WDR27: variants seen among roughly 807,000 people sequenced by gnomAD.
WDR27 encodes the protein WD repeat domain 27, also known as WD repeat-containing protein 27.
In WDR27, 100 loss-of-function variants were observed where a neutral mutation model predicts 114.4. The ratio of observed to expected loss-of-function variants is 0.87; its 90% confidence interval spans 0.74 to 1.03. The LOEUF (loss-of-function observed/expected upper bound fraction) is 1.03, where lower values mean the gene tolerates loss of function less well. Ranked by LOEUF, WDR27 falls within the 50% of genes least tolerant of loss-of-function variation. WDR27 has a pLI of 0.00. For missense variants in WDR27, 1,129 were observed against 1,092.9 expected (o/e 1.03, Z -0.47); for synonymous variants, 449 against 423.1 (o/e 1.06, Z -0.75).
intron 25 of WDR27, among the ~76,000 whole-genome samples, chr6:169,527,610 T>A (rs1452006200): frequency 1.3e-5 from 2 of 152,194 alleles, no homozygotes; most frequent in African/African-American, 4.8e-5. Context: ...TTAAAAATGA[T>A]GAATTTTAAG....
intron 21 of WDR27, among the ~76,000 whole-genome samples, chr6:169,621,909 C>G (rs368213955): frequency 1.3e-5 from 2 of 152,138 alleles, no homozygotes; most frequent in Non-Finnish European, 2.9e-5. Flanking sequence ...TATACTTGCA[C>G]ACATATACAC....
At chr6:169,662,877 C>T (rs1015845890) in intron 8 of WDR27, among the ~76,000 whole-genome samples, 4 of 143,634 alleles carry the variant, frequency 2.8e-5, no homozygotes, top group East Asian at 2.1e-4. Flanking sequence ...ACTCAGATCA[C>T]GTGTCAAGGA....
chr6:169,449,665 T>C, the WDR27 span, among the ~76,000 whole-genome samples: 2 of 152,114 alleles, frequency 1.3e-5, no homozygotes, highest in Non-Finnish European at 2.9e-5. Context: ...GCAGAAGCTA[T>C]GAGAAAGAAG....
intron 2 of WDR27, among the ~76,000 whole-genome samples, chr6:169,673,188 G>A (rs955620783): frequency 1.3e-5 from 2 of 152,112 alleles, no homozygotes; most frequent in African/African-American, 2.4e-5. Flanking sequence ...AAACCTAGGC[G>A]AACAATGTCT....
chr6:169,684,397 A>G lies in WDR27; in HGVS notation c.189+4420T>C, dbSNP rs1036110174. Among the ~76,000 whole-genome samples, 7 of 152,136 alleles carry G rather than the reference A, an allele frequency of 4.6e-5. No individual in the cohort carries two copies. The highest frequency in any genetic ancestry group is 1.0e-4 in the Non-Finnish European group (7 of 68,014). ...GCTGCCCAATGTCCCCGAGTCTCCA[A>G]TAAAGGCCTGAGAAACAGTCTCACA... On this transcript the variant is annotated intron_variant, in intron 2 of 25. Coordinates refer to ENST00000448612, the MANE Select transcript of WDR27 (RefSeq NM_182552.5). This position sits in a 1 kb window ranked among gnomAD's most constrained non-coding sequence, Gnocchi z 4.3.
intron 25 of WDR27, among the ~76,000 whole-genome samples, chr6:169,482,097 C>T (rs906237334): frequency 6.6e-6 from 1 of 152,248 alleles, no homozygotes; most frequent in Admixed American, 6.5e-5. Flanking sequence ...TGGCCTCCAG[C>T]TTGACCCATG....
rs191866591 is a variant in WDR27, at chr6:169,618,815, C to T, written c.2224-5159G>A. On this transcript the variant is annotated intron_variant, in intron 21 of 25. Coordinates refer to ENST00000448612, the MANE Select transcript of WDR27 (RefSeq NM_182552.5). ...ATGACAGTTTGTGAGTAGCAGCCCC[C>T]ACATGGCTATGGTTAGTTTGATGTA... is the stretch of plus-strand genomic sequence containing the variant. Among the ~76,000 whole-genome samples the T allele has an allele frequency of 4.0e-3, 606 of 152,128 alleles. 3 individuals are homozygous for T. Among genetic ancestry groups the T allele is most frequent in the African/African-American group, 0.014 (577 of 41,504 alleles).
In WDR27 at chr6:169,650,251, TC is replaced by T. The variant is rs536085525; in HGVS notation, c.1482-977del. Reference sequence around the variant, plus strand: ...TACTCATCCATCCCTCATCTCTGCATCCCCCCATCCCCTCCATCTACCCACC... The same window carrying T: ...TACTCATCCATCCCTCATCTCTGCATCCCCCATCCCCTCCATCTACCCACC... On this transcript the variant is annotated intron_variant, in intron 14 of 25. Coordinates refer to ENST00000448612, the MANE Select transcript of WDR27 (RefSeq NM_182552.5). 1.8e-3 allele frequency among the ~76,000 whole-genome samples: 211 copies of T among 118,478 alleles called. 1 individual carries two copies. The highest frequency in any genetic ancestry group is 0.015 in the Middle Eastern group (2 of 134). 77.7% of individuals were successfully genotyped at this position (118,478 alleles called of 152,430 possible).
At chr6:169,465,258 CAAAAAAAAAAAA>C (rs56688798) in intron 25 of WDR27, among the ~76,000 whole-genome samples, 1 of 101,220 alleles carries the variant, frequency 9.9e-6, no homozygotes, top group Non-Finnish European at 1.8e-5. Context: ...AACTCCATCT[CAAAAAAAAAAAA>C]AAAAAAAAAA....
At chr6:169,663,194 T>C (rs955928664) in intron 8 of WDR27, among the ~76,000 whole-genome samples, 10 of 152,136 alleles carry the variant, frequency 6.6e-5, no homozygotes, top group African/African-American at 2.2e-4. Context: ...TTGAAAGAAC[T>C]TAACTTCATA....
the WDR27 span, among the ~76,000 whole-genome samples, chr6:169,428,706 T>A: frequency 6.6e-6 from 1 of 152,164 alleles, no homozygotes; most frequent in Non-Finnish European, 1.5e-5. Flanking sequence ...GTGAAGTGCC[T>A]GCTGTGCGGG....
intron 25 of WDR27, among the ~76,000 whole-genome samples, chr6:169,514,210 T>G (rs1348592520): frequency 1.3e-5 from 2 of 151,762 alleles, no homozygotes; most frequent in Non-Finnish European, 2.9e-5. Context: ...AGTTTACATC[T>G]TTTTTCAAAC....
At chr6:169,630,624 A>G (rs1816086681) in intron 21 of WDR27, among the ~76,000 whole-genome samples, 3 of 152,350 alleles carry the variant, frequency 2.0e-5, no homozygotes, top group South Asian at 2.1e-4. Context: ...GGTCGGGCGC[A>G]GTGGCTCACG....
intron 1 of WDR27, 139 bp from the exon 2 acceptor site, chr6:169,689,151 C>T: frequency 1.9e-6 from 1 of 522,220 alleles, no homozygotes; most frequent in East Asian, 3.4e-5. Flanking sequence ...CTCCTCATCC[C>T]AAGAAAAAAG....
intron 14 of WDR27, among the ~76,000 whole-genome samples, chr6:169,651,155 T>C (rs1373828632): frequency 2.0e-5 from 2 of 99,958 alleles, no homozygotes; most frequent in Non-Finnish European, 3.7e-5. Context: ...TGGCCTGGGA[T>C]TTCTGCCTGG....
Position 169,659,524 on chromosome 6 carries a change from G to A in WDR27, c.1130-6C>T. Reference sequence around the variant, plus strand: ...GATGCTGAGGCTCTGGAAATCTTCAGTTGAGCGAAGACCAGGAAGAACATG... The same window carrying A: ...GATGCTGAGGCTCTGGAAATCTTCAATTGAGCGAAGACCAGGAAGAACATG... On this transcript the variant is annotated splice_polypyrimidine_tract_variant and splice_region_variant and intron_variant, in intron 10 of 25. Transcript: ENST00000448612. The surrounding 1 kb of genome is among the most constrained non-coding windows in gnomAD (Gnocchi z 4.3). The A allele has an allele frequency of 6.2e-7, 1 of 1,607,030 alleles. No homozygotes were observed.
chr6:169,612,362 GTGAGC>G (rs1046767873), intron 22 of WDR27, among the ~76,000 whole-genome samples: 4 of 152,250 alleles, frequency 2.6e-5, no homozygotes, highest in African/African-American at 9.6e-5. Context: ...GGAGCTTGCA[GTGAGC>G]TGAGATCGCG....
At chr6:169,610,253 C>A (rs1349315643) in intron 22 of WDR27, among the ~76,000 whole-genome samples, 1 of 152,216 alleles carries the variant, frequency 6.6e-6, no homozygotes, top group Non-Finnish European at 1.5e-5. Context: ...CTCAGCAGCA[C>A]CCCACTCTAC....
At chr6:169,650,944 G>A (rs1822267909) in intron 14 of WDR27, among the ~76,000 whole-genome samples, 1 of 152,078 alleles carries the variant, frequency 6.6e-6, no homozygotes, top group Non-Finnish European at 1.5e-5. Context: ...TTAAAGAACA[G>A]ATAATAAGAC....
Sources: allele counts gnomAD v4.1 joint callset (sites outside exome capture counted in the v4.1 genomes callset), GRCh38; gene constraint gnomAD v4.1.1; non-coding constraint Gnocchi (gnomAD v3.1); transcripts MANE v1.5; gene names NCBI Gene and HGNC (gene_info 2026-07-23, HGNC 2026-07-21).